IST1: variants seen among roughly 807,000 people sequenced by gnomAD.
IST1 encodes the protein IST1 homolog.
In IST1, 23 loss-of-function variants were observed where a neutral mutation model predicts 37.0. That is an observed-to-expected ratio of 0.62 (90% CI 0.45 to 0.88). The LOEUF (loss-of-function observed/expected upper bound fraction) is 0.88. Ranked by LOEUF, IST1 falls within the 40% of genes least tolerant of loss-of-function variation. The pLI is 0.00. For synonymous variants in IST1, 180 were observed against 161.7 expected (o/e 1.11, Z -0.86); for missense variants, 488 against 445.4 (o/e 1.10, Z -0.86).
rs1188273802 is a variant in IST1, at chr16:71,931,133, T to C, written c.*3320T>C. 6.6e-6 allele frequency: 1 copy of C among 152,242 alleles called. No homozygotes were observed. The highest frequency in any genetic ancestry group is 1.5e-5 in the Non-Finnish European group (1 of 68,040). 9.4% of individuals were successfully genotyped at this position (152,242 alleles called of 1,614,324 possible). A position where few individuals can be genotyped will look rare whatever the true frequency, so the allele number is the denominator to read the frequency against. ...TTTTTACTTTATGTTTACTGTATTT[T>C]TATGTACAATTACATCCAAAGCAGA... On this transcript the variant is annotated 3_prime_UTR_variant, in exon 10 of 10. Coordinates refer to ENST00000378799, the MANE Select transcript of IST1 (RefSeq NM_001270975.2).
At chr16:71,926,741 A>G (rs1442283215) in intron 9 of IST1, among the ~76,000 whole-genome samples, 1 of 151,948 alleles carries the variant, frequency 6.6e-6, no homozygotes, top group Non-Finnish European at 1.5e-5. Flanking sequence ...TTGCCAGTCA[A>G]CTCTGCCCTT....
chr16:71,904,032 T>C (rs1423475177), intron 1 of IST1, among the ~76,000 whole-genome samples: 1 of 152,216 alleles, frequency 6.6e-6, no homozygotes, highest in African/African-American at 2.4e-5. Flanking sequence ...TTTATGCTTA[T>C]GTAATGTCCT....
intron 4 of IST1, among the ~76,000 whole-genome samples, chr16:71,917,632 G>A: frequency 6.6e-6 from 1 of 152,130 alleles, no homozygotes; most frequent in Non-Finnish European, 1.5e-5. Context: ...ACATGGATAT[G>A]GTACTGACTC....
Position 71,927,999 on chromosome 16 carries a change from A to G in IST1, c.*186A>G, listed in dbSNP as rs995254109. 12 of 581,166 alleles carry G rather than the reference A, an allele frequency of 2.1e-5. No individual in the cohort carries two copies. The highest frequency in any genetic ancestry group is 1.3e-4 in the African/African-American group (7 of 53,320). The allele number at this position is 581,166 out of a possible 1,614,324, so 36.0% of individuals were successfully genotyped here. A position where few individuals can be genotyped will look rare whatever the true frequency, so the allele number is the denominator to read the frequency against. On this transcript the variant is annotated 3_prime_UTR_variant, in exon 10 of 10. Transcript: ENST00000378799. Reference sequence around the variant, plus strand: ...CCAGTTCTCTGTTGATCCTGAGACTAACAATTGGAGACTGAGGCCAGAGCA... The same window carrying G: ...CCAGTTCTCTGTTGATCCTGAGACTGACAATTGGAGACTGAGGCCAGAGCA...
chr16:71,913,422 T>C (rs928228190), intron 1 of IST1, among the ~76,000 whole-genome samples: 1 of 152,228 alleles, frequency 6.6e-6, no homozygotes, highest in African/African-American at 2.4e-5. Flanking sequence ...GAGAAATATC[T>C]TCAAGTATTT....
intron 2 of IST1, 86 bp from the exon 3 acceptor site, chr16:71,916,376 A>C: frequency 7.7e-7 from 1 of 1,304,992 alleles, no homozygotes. Context: ...AGAAACACCC[A>C]GTTCTTCCTG....
chr16:71,920,957 C>T, intron 5 of IST1, 135 bp downstream of exon 5: 1 of 727,604 alleles, frequency 1.4e-6, no homozygotes, highest in Non-Finnish European at 2.5e-6. Context: ...AGGAGGACAG[C>T]TGTGTGGCTG....
At chr16:71,897,899 A>T (rs539930038) in intron 1 of IST1, among the ~76,000 whole-genome samples, 1 of 152,338 alleles carries the variant, frequency 6.6e-6, no homozygotes, top group South Asian at 2.1e-4. Context: ...CAGTGAGCTG[A>T]GATCGTGCCA....
intron 7 of IST1, 43 bp from the exon 8 acceptor site, chr16:71,923,245 A>C (rs1384592142): frequency 8.4e-7 from 1 of 1,195,704 alleles, no homozygotes; most frequent in Non-Finnish European, 1.2e-6. Context: ...CGAGATTGCA[A>C]ACTGGAGGCA....
At chr16:71,911,109 T>C (rs2037344325) in intron 1 of IST1, among the ~76,000 whole-genome samples, 1 of 151,984 alleles carries the variant, frequency 6.6e-6, no homozygotes, top group East Asian at 1.9e-4. Context: ...GGCGTGGTGG[T>C]GTGTGCCTAT....
chr16:71,896,092 T>A (rs959128855), intron 1 of IST1, among the ~76,000 whole-genome samples: 6 of 152,214 alleles, frequency 3.9e-5, no homozygotes, highest in African/African-American at 1.4e-4. Context: ...GGGAACGGAC[T>A]TGGGTCCACT....
intron 1 of IST1, 64 bp downstream of exon 1, chr16:71,895,653 A>C (rs544397692): frequency 1.5e-6 from 1 of 681,856 alleles, no homozygotes; most frequent in East Asian, 1.4e-4. Flanking sequence ...CTCCTGATTT[A>C]GCGGTCTCTA....
rs368996983 is a variant in IST1 at position 71,899,160 on chromosome 16, G to A, written c.-16+3571G>A. 1.6e-4 allele frequency among the ~76,000 whole-genome samples: 24 copies of A among 152,172 alleles called. 1 individual carries two copies. The highest frequency in any genetic ancestry group is 9.8e-4 in the Admixed American group (15 of 15,278). On this transcript the variant is annotated intron_variant, in intron 1 of 9. Coordinates refer to ENST00000378799, the MANE Select transcript of IST1 (RefSeq NM_001270975.2). ...CCTTATTTTCTTGTGAATAACACAT[G>A]ATGCTGTTGATCTTACAGTTTTTTT...
intron 1 of IST1, among the ~76,000 whole-genome samples, chr16:71,896,164 C>G (rs1333736672): frequency 6.6e-6 from 1 of 152,058 alleles, no homozygotes; most frequent in Non-Finnish European, 1.5e-5. Flanking sequence ...CCCGCTTTCT[C>G]GGATCCCTGC....
chr16:71,928,745 A>T lies in IST1; in HGVS notation c.*932A>T, dbSNP rs1803857. On this transcript the variant is annotated 3_prime_UTR_variant, in exon 10 of 10. Coordinates refer to ENST00000378799, the MANE Select transcript of IST1 (RefSeq NM_001270975.2). ...GGAACCTTTAAAACTAATCTCAGAA[A>T]AATTTTTGGTGCCCATGCAGCTGTA... 1.3e-5 allele frequency: 2 copies of T among 152,350 alleles called. No individual in the cohort carries two copies. The highest frequency in any genetic ancestry group is 1.5e-5 in the Non-Finnish European group (1 of 68,000). The allele number at this position is 152,350 out of a possible 1,614,324, so 9.4% of individuals were successfully genotyped here. A position where few individuals can be genotyped will look rare whatever the true frequency, so the allele number is the denominator to read the frequency against.
intron 1 of IST1, among the ~76,000 whole-genome samples, chr16:71,905,333 C>G (rs139112307): frequency 1.3e-4 from 20 of 150,052 alleles, no homozygotes; most frequent in African/African-American, 4.9e-4. Context: ...CATGCCTGGC[C>G]GTATACAATT....
chr16:71,910,924 A>G (rs1018719598), intron 1 of IST1, among the ~76,000 whole-genome samples: 2 of 152,156 alleles, frequency 1.3e-5, no homozygotes, highest in African/African-American at 2.4e-5. Flanking sequence ...ATGCATTTAT[A>G]TATGTGTATA....
At chr16:71,896,838 G>C (rs971318240) in intron 1 of IST1, among the ~76,000 whole-genome samples, 1 of 152,084 alleles carries the variant, frequency 6.6e-6, no homozygotes, top group Non-Finnish European at 1.5e-5. Flanking sequence ...ACAGCCAGGC[G>C]TGGAGGCCCG....
rs778008838 is a variant in IST1 at position 71,921,466 on chromosome 16, C to T, written c.552+13C>T. On this transcript the variant is annotated intron_variant, in intron 6 of 9. Transcript: ENST00000378799. ...CTCTGTGGTCATGGTAAGTTTATCC[C>T]AGAATACAAAGAAAAATGAGTTTGT... 3.3e-6 allele frequency: 5 copies of T among 1,508,136 alleles called. No homozygotes were observed. In the Admixed American group the frequency reaches 8.5e-5, roughly 26 times the overall value. The allele number at this position is 1,508,136 out of a possible 1,614,324, so 93.4% of individuals were successfully genotyped here. A position where few individuals can be genotyped will look rare whatever the true frequency, so the allele number is the denominator to read the frequency against.
Sources: allele counts gnomAD v4.1 joint callset (sites outside exome capture counted in the v4.1 genomes callset), GRCh38; gene constraint gnomAD v4.1.1; transcripts MANE v1.5; gene names NCBI Gene and HGNC (gene_info 2026-07-23, HGNC 2026-07-21).